Variants in PPP6C observed in about 807,000 individuals in gnomAD.
PPP6C encodes the protein serine/threonine-protein phosphatase 6 catalytic subunit.
PPP6C carries 11 observed loss-of-function variants against 39.8 expected under a neutral mutation model. That is an observed-to-expected ratio of 0.28 (90% confidence interval 0.17 to 0.46). The LOEUF (loss-of-function observed/expected upper bound fraction) is 0.46. Ranked by LOEUF, PPP6C falls within the 20% of genes least tolerant of loss-of-function variation. The pLI is 1.00. For synonymous variants in PPP6C, 129 were observed against 130.3 expected (o/e 0.99, Z 0.07); for missense variants, 211 against 373.9 (o/e 0.56, Z 3.59).
At chr9:125,161,417 TA>T (rs931793172) in intron 2 of PPP6C, among the ~76,000 whole-genome samples, 99 of 151,866 alleles carry the variant, frequency 6.5e-4, no homozygotes, top group African/African-American at 2.0e-3. Context: ...AATGATCAGT[TA>T]AAAAAAAATT....
intron 1 of PPP6C, among the ~76,000 whole-genome samples, chr9:125,184,343 G>A (rs1052178883): frequency 2.0e-5 from 3 of 151,870 alleles, no homozygotes; most frequent in South Asian, 2.1e-4. Flanking sequence ...AGCCGAGATC[G>A]CGCCATTACA....
In PPP6C at chr9:125,147,764, C is replaced by T. The variant is rs1022573032; in HGVS notation, c.*1909G>A. ...GGAGTTACCGGTTCTATTAGTACAA[C>T]TTAAGTGGAAAGCAAGCACTTAAAT... is the stretch of plus-strand genomic sequence containing the variant. On this transcript the variant is annotated 3_prime_UTR_variant, in exon 7 of 7. Coordinates refer to ENST00000373547, the MANE Select transcript of PPP6C (RefSeq NM_002721.5). The T allele has an allele frequency of 6.6e-6, 1 of 151,734 alleles. No individual in the cohort carries two copies. Among genetic ancestry groups the T allele is most frequent in the Admixed American group, 6.6e-5 (1 of 15,202 alleles). The allele number at this position is 151,734 out of a possible 1,614,324, so 9.4% of individuals were successfully genotyped here.
At chr9:125,187,492 C>T (rs1164078144) in intron 1 of PPP6C, among the ~76,000 whole-genome samples, 1 of 151,848 alleles carries the variant, frequency 6.6e-6, no homozygotes, top group Non-Finnish European at 1.5e-5. Context: ...CCAAGTCGGT[C>T]AGTCTGGTCT....
intron 2 of PPP6C, among the ~76,000 whole-genome samples, chr9:125,162,457 CAAAAAAAAAAA>C (rs977223135): frequency 1.1e-4 from 8 of 70,962 alleles, no homozygotes; most frequent in South Asian, 5.1e-4. Flanking sequence ...GATTCTGTCT[CAAAAAAAAAAA>C]AAAAAAAAAA....
intron 1 of PPP6C, among the ~76,000 whole-genome samples, chr9:125,175,642 C>CAA (rs1188824495): frequency 3.2e-4 from 18 of 55,718 alleles, no homozygotes; most frequent in East Asian, 1.5e-3. Flanking sequence ...GACTCCGTCT[C>CAA]AAAAAAAAAA....
intron 4 of PPP6C, among the ~76,000 whole-genome samples, chr9:125,157,899 C>T (rs1195466903): frequency 6.6e-6 from 1 of 152,034 alleles, no homozygotes; most frequent in African/African-American, 2.4e-5. Context: ...CCATATTGGT[C>T]AGGATGGTCT....
At chr9:125,157,744 G>T (rs1836116097) in intron 4 of PPP6C, among the ~76,000 whole-genome samples, 1 of 146,992 alleles carries the variant, frequency 6.8e-6, no homozygotes, top group African/African-American at 2.5e-5. Context: ...AGGCTGGAGT[G>T]CTGTGGCATG....
chr9:125,162,088 GACA>G (rs1828888567), intron 2 of PPP6C, among the ~76,000 whole-genome samples: 1 of 134,688 alleles, frequency 7.4e-6, no homozygotes, highest in Admixed American at 7.7e-5. Flanking sequence ...TAAAAAGTCA[GACA>G]AAAAAAAAAA....
At chr9:125,168,112 C>T (rs940051452) in intron 2 of PPP6C, among the ~76,000 whole-genome samples, 15 of 152,200 alleles carry the variant, frequency 9.9e-5, no homozygotes, top group African/African-American at 2.4e-4. Context: ...GTTTTACCCT[C>T]CATTGCCTCT....
chr9:125,152,802 C>G (rs1835982171), intron 6 of PPP6C, among the ~76,000 whole-genome samples: 1 of 151,526 alleles, frequency 6.6e-6, no homozygotes, highest in African/African-American at 2.4e-5. Context: ...TGTACTCCAG[C>G]CTGGGCAACA....
chr9:125,188,821 T>A (rs868661139), intron 1 of PPP6C: 216 of 305,540 alleles, frequency 7.1e-4, no homozygotes, highest in Middle Eastern at 1.1e-3. Flanking sequence ...TAATAATAAT[T>A]AAAAAGTTTT....
At chr9:125,189,600 G>A (rs370891262) in intron 1 of PPP6C, 44 bp downstream of exon 1, 9 of 1,610,104 alleles carry the variant, frequency 5.6e-6, no homozygotes, top group Non-Finnish European at 7.6e-6. Flanking sequence ...CCGGCCGGCG[G>A]GCGCCCCACA....
chr9:125,165,795 C>CTTT lies in PPP6C; in HGVS notation c.172-4892_172-4890dup, dbSNP rs781221037. ...CTGAAACCATAACAGTAATCTTTTG[C>CTTT]TTTTTTTTTTTTTTTTTTGGAGACA... On this transcript the variant is annotated intron_variant, in intron 2 of 6. Transcript: ENST00000373547. 8.8e-5 allele frequency among the ~76,000 whole-genome samples: 10 copies of CTTT among 113,606 alleles called. 1 individual carries two copies. The highest frequency in any genetic ancestry group is 2.9e-4 in the South Asian group (1 of 3,464). The allele number at this position is 113,606 out of a possible 152,430, so 74.5% of individuals were successfully genotyped here.
intron 2 of PPP6C, among the ~76,000 whole-genome samples, chr9:125,162,668 C>T (rs1205428429): frequency 1.4e-5 from 2 of 147,232 alleles, no homozygotes; most frequent in Non-Finnish European, 3.0e-5. Flanking sequence ...CCCTGCTACT[C>T]GGGAGGCTGA....
In PPP6C at chr9:125,175,025, T is replaced by C. The variant is rs971299909; in HGVS notation, c.76-3845A>G. On this transcript the variant is annotated intron_variant, in intron 1 of 6. Coordinates refer to ENST00000373547, the MANE Select transcript of PPP6C (RefSeq NM_002721.5). ...GAGTTCAAGATCAGCCTGGCCAACATGGTGAAACCTCATCTCTACTAAAAA... is the reference window on the plus strand; with the variant it reads ...GAGTTCAAGATCAGCCTGGCCAACACGGTGAAACCTCATCTCTACTAAAAA... Among the ~76,000 whole-genome samples, 10 of 150,188 alleles carry C rather than the reference T, an allele frequency of 6.7e-5. No individual in the cohort carries two copies. In the East Asian group the frequency reaches 1.8e-3, roughly 27 times the overall value.
intron 1 of PPP6C, among the ~76,000 whole-genome samples, chr9:125,189,303 G>C (rs460269): frequency 0.44 from 67,089 of 151,832 alleles, 15,151 homozygotes; most frequent in East Asian, 0.54. Flanking sequence ...CGGGGGCTCG[G>C]CTCCGACTGC....
intron 3 of PPP6C, among the ~76,000 whole-genome samples, chr9:125,159,956 A>G (rs1828820444): frequency 6.6e-6 from 1 of 152,158 alleles, no homozygotes; most frequent in Non-Finnish European, 1.5e-5. Flanking sequence ...CAAGAGGCAG[A>G]GGTTGCAGTA....
chr9:125,159,100 G>A (rs1828786527), intron 3 of PPP6C, among the ~76,000 whole-genome samples: 2 of 145,006 alleles, frequency 1.4e-5, no homozygotes, highest in African/African-American at 2.6e-5. Context: ...GTGCAATGGC[G>A]TGATCTTGGC....
intron 1 of PPP6C, among the ~76,000 whole-genome samples, chr9:125,174,204 CATTA>C (rs149301849): frequency 0.015 from 2,343 of 152,144 alleles, 106 homozygotes; most frequent in East Asian, 0.083. Context: ...ATCACTTAAA[CATTA>C]ATTAAGGAAT....
Sources: gnomAD v4.1 joint callset for allele counts (sites outside exome capture counted in the v4.1 genomes callset) on GRCh38, gnomAD v4.1.1 for gene constraint, MANE v1.5 for transcripts, NCBI Gene and HGNC (gene_info 2026-07-23, HGNC 2026-07-21) for gene names.